TULP4: variants seen among roughly 807,000 people sequenced by gnomAD.
TULP4 encodes tubby-related protein 4.
A neutral mutation model predicts 129.0 loss-of-function variants in TULP4; 16 were observed. The ratio of observed to expected loss-of-function variants is 0.12; its 90% CI spans 0.08 to 0.19. The LOEUF (loss-of-function observed/expected upper bound fraction) is 0.19. Among genes scored for constraint, TULP4 ranks in the 10% least tolerant of loss-of-function variants. The probability of loss-of-function intolerance (pLI) is 1.00; values close to 1 mark genes in which losing one functional copy is unlikely to be tolerated. For missense variants in TULP4, 1,842 were observed against 2,059.1 expected, an observed-to-expected ratio of 0.89 and a Z score of 2.04; for synonymous variants, 998 against 854.0, an observed-to-expected ratio of 1.17 and a Z score of -2.94.
chr6:158,468,584 G>A (rs1779604601), intron 6 of TULP4, among the ~76,000 whole-genome samples: 1 of 152,158 alleles, frequency 6.6e-6, no homozygotes, highest in Non-Finnish European at 1.5e-5. Context: ...TTTAGAAATA[G>A]AATACAGTTT....
chr6:158,468,545 T>G (rs1021849159), intron 6 of TULP4, among the ~76,000 whole-genome samples: 8 of 152,230 alleles, frequency 5.3e-5, no homozygotes, highest in African/African-American at 1.9e-4. Flanking sequence ...TAACATAATT[T>G]CTTTTAAAAA....
At chr6:158,332,709 G>A (rs552576255) in intron 1 of TULP4, among the ~76,000 whole-genome samples, 9 of 152,242 alleles carry the variant, frequency 5.9e-5, no homozygotes, top group African/African-American at 1.4e-4. Flanking sequence ...TTGGATAGGC[G>A]GACTTTCCTG....
Position 158,508,881 on chromosome 6 carries a change from T to G in TULP4, c.*2187T>G, listed in dbSNP as rs986034904. 8.5e-5 allele frequency: 6 copies of G among 70,298 alleles called. No individual in the cohort carries two copies. The highest frequency in any genetic ancestry group is 3.0e-4 in the African/African-American group (5 of 16,676). 4.4% of individuals were successfully genotyped at this position (70,298 alleles called of 1,614,324 possible). ...AATAAAGAGGATATGATAGAAGGTT[T>G]TTTTTTTTTTTTTTTTTTTTTTTTG... is the stretch of plus-strand genomic sequence containing the variant. On this transcript the variant is annotated 3_prime_UTR_variant, in exon 14 of 14. Coordinates refer to ENST00000367097, the MANE Select transcript of TULP4 (RefSeq NM_020245.5).
At chr6:158,339,679 G>T (rs998410893) in intron 1 of TULP4, among the ~76,000 whole-genome samples, 1 of 152,102 alleles carries the variant, frequency 6.6e-6, no homozygotes, top group Non-Finnish European at 1.5e-5. Context: ...GAGAAATATG[G>T]CTCTGTCCTG....
chr6:158,256,268 T>C (rs1171718862), intron 1 of TULP4, among the ~76,000 whole-genome samples: 1 of 152,036 alleles, frequency 6.6e-6, no homozygotes, highest in Non-Finnish European at 1.5e-5. Context: ...TTTTCTTTTT[T>C]CTTTGCCAGT....
intron 4 of TULP4, 124 bp from the exon 5 acceptor site, chr6:158,452,010 C>T (rs1779171884): frequency 1.4e-6 from 2 of 1,427,792 alleles, no homozygotes; most frequent in Non-Finnish European, 1.9e-6. Flanking sequence ...GGTAGCATCC[C>T]AATCCAGAGT....
intron 1 of TULP4, among the ~76,000 whole-genome samples, chr6:158,258,070 C>T (rs1416234589): frequency 6.6e-6 from 1 of 152,108 alleles, no homozygotes; most frequent in African/African-American, 2.4e-5. Context: ...TCTTTCAAAA[C>T]AATCAGCGGA....
chr6:158,262,310 A>G (rs1205700928), intron 1 of TULP4, among the ~76,000 whole-genome samples: 1 of 152,158 alleles, frequency 6.6e-6, no homozygotes, highest in African/African-American at 2.4e-5. Flanking sequence ...TTTGGTTCTC[A>G]GAGCTCTTCT....
intron 1 of TULP4, among the ~76,000 whole-genome samples, chr6:158,411,769 A>G (rs1778105753): frequency 6.6e-6 from 1 of 152,198 alleles, no homozygotes; most frequent in South Asian, 2.1e-4. Flanking sequence ...AGGTGTGTCC[A>G]TGGCATCGCT....
chr6:158,267,679 CAA>C (rs975499091), intron 1 of TULP4, among the ~76,000 whole-genome samples: 5 of 152,144 alleles, frequency 3.3e-5, no homozygotes, highest in Non-Finnish European at 7.3e-5. Context: ...TGTGGCAATC[CAA>C]AGTTAACTGG....
chr6:158,427,443 G>A (rs1286114512), intron 2 of TULP4, among the ~76,000 whole-genome samples: 2 of 138,018 alleles, frequency 1.4e-5, no homozygotes, highest in Non-Finnish European at 3.1e-5. Flanking sequence ...ACATGAAATG[G>A]ACAAATTCCT....
intron 2 of TULP4, among the ~76,000 whole-genome samples, chr6:158,424,956 A>G (rs187072495): frequency 6.6e-6 from 1 of 151,296 alleles, no homozygotes; most frequent in African/African-American, 2.4e-5. Context: ...GATCGAGACC[A>G]TCCTGGCTAA....
chr6:158,506,504 T>TC (rs1780606479), intron 13 of TULP4, 74 bp from the exon 14 acceptor site: 2 of 978,978 alleles, frequency 2.0e-6, no homozygotes, highest in Admixed American at 3.4e-5. Flanking sequence ...GTGCTGGGAC[T>TC]ACAGGCGTGA....
At chr6:158,444,219 CAAAAAAAAAAAAA>C (rs71030171) in intron 3 of TULP4, among the ~76,000 whole-genome samples, 1 of 34,130 alleles carries the variant, frequency 2.9e-5, no homozygotes, top group East Asian at 1.4e-3. Context: ...GACTCTGTCT[CAAAAAAAAAAAAA>C]AAAAAAAAAA....
At chr6:158,242,053 G>A (rs567762343) in intron 1 of TULP4, 29 of 791,524 alleles carry the variant, frequency 3.7e-5, no homozygotes, top group Middle Eastern at 3.6e-4. Flanking sequence ...CCCTACATCC[G>A]TTGGTTTTAG....
intron 1 of TULP4, among the ~76,000 whole-genome samples, chr6:158,270,369 C>A (rs1160435513): frequency 6.6e-6 from 1 of 152,210 alleles, no homozygotes; most frequent in Non-Finnish European, 1.5e-5. Flanking sequence ...TGCTCCACAG[C>A]ACTTTTTTGG....
chr6:158,447,029 G>A (rs1457594226), intron 3 of TULP4, among the ~76,000 whole-genome samples: 1 of 152,210 alleles, frequency 6.6e-6, no homozygotes, highest in Non-Finnish European at 1.5e-5. Context: ...AAAGTTTATA[G>A]TGTAACTAGG....
At chr6:158,371,946 C>A (rs1353200726) in intron 1 of TULP4, among the ~76,000 whole-genome samples, 1 of 152,142 alleles carries the variant, frequency 6.6e-6, no homozygotes, top group African/African-American at 2.4e-5. Context: ...ACCTGAGTAG[C>A]TGGCACTACA....
chr6:158,277,716 T>C, upstream of TULP4, among the ~76,000 whole-genome samples: 1 of 152,226 alleles, frequency 6.6e-6, no homozygotes, highest in East Asian at 1.9e-4. Context: ...TTTTGGCCTT[T>C]GTGTGGAAGC....
Sources: allele counts gnomAD v4.1 joint callset (sites outside exome capture counted in the v4.1 genomes callset), GRCh38; gene constraint gnomAD v4.1.1; transcripts MANE v1.5; gene names NCBI Gene and HGNC (gene_info 2026-07-23, HGNC 2026-07-21).